The following CD2AP variants were observed in gnomAD, a reference collection of about 807,000 sequenced individuals.
CD2AP encodes CD2-associated protein.
A neutral mutation model predicts 85.1 loss-of-function variants in CD2AP; 46 were observed. The ratio of observed to expected loss-of-function variants is 0.54; its 90% CI spans 0.43 to 0.69. The LOEUF is 0.69. CD2AP is among the 30% of genes least tolerant of loss of function. The pLI, the probability that CD2AP is intolerant of heterozygous loss-of-function variation, is 0.00. For synonymous variants in CD2AP, 255 were observed against 252.9 expected (o/e 1.01, Z -0.08); for missense variants, 769 against 729.5 (o/e 1.05, Z -0.62).
intron 4 of CD2AP, 54 bp downstream of exon 4, chr6:47,544,760 T>G: frequency 9.5e-7 from 1 of 1,057,094 alleles, no homozygotes; most frequent in Non-Finnish European, 1.5e-6. Flanking sequence ...ATGCTATGGA[T>G]TTTAGAAAAA....
chr6:47,621,677 C>CT (rs953193494), intron 17 of CD2AP, among the ~76,000 whole-genome samples: 22 of 151,860 alleles, frequency 1.4e-4, no homozygotes, highest in South Asian at 4.2e-4. Flanking sequence ...TGGTCCTGGG[C>CT]TTTTTTTTGT....
chr6:47,523,149 G>A (rs1176202013), intron 2 of CD2AP, among the ~76,000 whole-genome samples: 1 of 152,048 alleles, frequency 6.6e-6, no homozygotes, highest in Non-Finnish European at 1.5e-5. Context: ...TTATAGAAAT[G>A]TATTGACGAC....
chr6:47,606,411 G>C, intron 14 of CD2AP, 134 bp downstream of exon 14: 1 of 684,082 alleles, frequency 1.5e-6, no homozygotes, highest in South Asian at 1.6e-5. Flanking sequence ...GCAAATGCTG[G>C]TATTTAAGGA....
intron 3 of CD2AP, among the ~76,000 whole-genome samples, chr6:47,540,564 T>C (rs1184906111): frequency 1.3e-5 from 2 of 152,210 alleles, no homozygotes; most frequent in African/African-American, 4.8e-5. Context: ...ATTAAATCTT[T>C]TTTTTTCATT....
In CD2AP at chr6:47,577,052, T is replaced by C. The variant is rs1231497270; in HGVS notation, c.852T>C (p.Asn284=). Reference sequence around the variant, plus strand: ...CATTATTTGCCTATGAAGGTACTAATGAAGATGAACTTACTTTTAAAGAGG... The same window carrying C: ...CATTATTTGCCTATGAAGGTACTAACGAAGATGAACTTACTTTTAAAGAGG... ...CRTLFAYEGT[N]EDELTFKEGE... The change falls in exon 8 of 18, where the codon AAT becomes AAC. Residue 284 remains asparagine (N), a synonymous_variant. Transcript: ENST00000359314. 1.3e-6 allele frequency: 2 copies of C among 1,543,840 alleles called. No homozygotes were observed. Among genetic ancestry groups the C allele is most frequent in the African/African-American group, 1.4e-5 (1 of 73,564 alleles).
chr6:47,569,058 G>A (rs1768078165), intron 5 of CD2AP, among the ~76,000 whole-genome samples: 1 of 152,146 alleles, frequency 6.6e-6, no homozygotes, highest in Admixed American at 6.5e-5. Flanking sequence ...GTTTTGAGGT[G>A]ATTAGGGCAG....
chr6:47,527,261 A>T (rs1173154609), intron 2 of CD2AP, among the ~76,000 whole-genome samples: 1 of 152,214 alleles, frequency 6.6e-6, no homozygotes, highest in African/African-American at 2.4e-5. Flanking sequence ...CTCAATGAAG[A>T]AGTATACCTG....
chr6:47,552,863 C>G (rs1210917657), intron 4 of CD2AP, among the ~76,000 whole-genome samples: 1 of 152,126 alleles, frequency 6.6e-6, no homozygotes, highest in Non-Finnish European at 1.5e-5. Context: ...AGCTTGTATT[C>G]TAGCACCCAT....
At chr6:47,553,600 A>C (rs957395066) in intron 4 of CD2AP, among the ~76,000 whole-genome samples, 1 of 147,694 alleles carries the variant, frequency 6.8e-6, no homozygotes, top group Non-Finnish European at 1.5e-5. Context: ...TCCTGACCTC[A>C]GGTGATCTGC....
intron 16 of CD2AP, chr6:47,609,533 A>G (rs1769372677): frequency 3.1e-6 from 1 of 326,962 alleles, no homozygotes; most frequent in Non-Finnish European, 5.4e-6. Flanking sequence ...AAAAAAAAAG[A>G]AAAGAAAAGA....
Position 47,578,058 on chromosome 6 carries a change from TAGC to T in CD2AP, c.903+959_903+961del, listed in dbSNP as rs535979082. On this transcript the variant is annotated intron_variant, in intron 8 of 17. Coordinates refer to ENST00000359314, the MANE Select transcript of CD2AP (RefSeq NM_012120.3). ...GTTACCTTTTTTGTTTTAGTGGCAA[TAGC>T]AGCTAAAATCATTTAGCAAGAATTT... Among the ~76,000 whole-genome samples, 676 of 152,246 alleles carry T rather than the reference TAGC, an allele frequency of 4.4e-3. 5 individuals carry two copies. Among genetic ancestry groups the T allele is most frequent in the African/African-American group, 0.015 (635 of 41,556 alleles).
chr6:47,558,882 A>G (rs954986746), intron 5 of CD2AP, among the ~76,000 whole-genome samples: 3 of 152,112 alleles, frequency 2.0e-5, no homozygotes, highest in Admixed American at 6.5e-5. Context: ...TGTTTGGAAT[A>G]GTTTCAGAAG....
chr6:47,600,901 A>C (rs565569613), intron 13 of CD2AP, among the ~76,000 whole-genome samples: 1 of 151,838 alleles, frequency 6.6e-6, no homozygotes, highest in Non-Finnish European at 1.5e-5. Flanking sequence ...TTAAATTTTC[A>C]CAAATTTGGG....
At chr6:47,596,086 T>A in intron 12 of CD2AP, 60 bp downstream of exon 12, 1 of 1,179,552 alleles carries the variant, frequency 8.5e-7, no homozygotes, top group South Asian at 1.2e-5. Flanking sequence ...CCTTAATGGC[T>A]CTATTGCCTT....
intron 5 of CD2AP, among the ~76,000 whole-genome samples, chr6:47,569,798 T>G (rs1015007318): frequency 2.6e-5 from 4 of 152,072 alleles, no homozygotes; most frequent in African/African-American, 7.2e-5. Context: ...TCACCAGGAG[T>G]CAAGGTATTA....
In CD2AP at chr6:47,609,071, A is replaced by G. The variant is rs533408645; in HGVS notation, c.1633-52A>G. On this transcript the variant is annotated intron_variant, in intron 15 of 17. Transcript: ENST00000359314. The stretch of plus-strand genomic sequence containing the variant: ...TTCTTCTTGCTGTTAAAATCTTTCG[A>G]ACGTAAATATAATATTAAATAAAAT... 3.3e-5 allele frequency: 44 copies of G among 1,342,650 alleles called. No homozygotes were observed. In the African/African-American group the frequency reaches 4.1e-4, roughly 13 times the overall value. 83.2% of individuals were successfully genotyped at this position (1,342,650 alleles called of 1,614,324 possible).
chr6:47,617,311 T>G (rs1012012989), intron 17 of CD2AP, among the ~76,000 whole-genome samples: 1 of 152,182 alleles, frequency 6.6e-6, no homozygotes, highest in Admixed American at 6.5e-5. Context: ...CCTTCACTGG[T>G]ATCCTTGGCT....
chr6:47,599,323 A>G lies in CD2AP; in HGVS notation c.1297A>G (p.Ile433Val), dbSNP rs199547303. The G allele has an allele frequency of 6.8e-6, 11 of 1,612,364 alleles. No individual in the cohort carries two copies. In the Admixed American group the frequency reaches 1.5e-4, roughly 22 times the overall value. The change falls in exon 13 of 18, where the codon ATT becomes GTT. Residue 433 changes from isoleucine (I) to valine (V), a missense_variant. By Grantham distance (29) the Ile-to-Val change is conservative. Transcript: ENST00000359314. ...IAKINGEVSS[I>V]SSKFETEPVS... ...CAGGATTAATGGGGAAGTTTCTAGC[A>G]TTTCATCAAAATTTGAAACTGAGCC... is the stretch of plus-strand genomic sequence containing the variant.
rs541720278 is a variant in CD2AP, at chr6:47,627,234, G to T, written c.*3007G>T. 2 of 152,230 alleles carry T rather than the reference G, an allele frequency of 1.3e-5. No individual in the cohort carries two copies. Among genetic ancestry groups the T allele is most frequent in the African/African-American group, 4.8e-5 (2 of 41,508 alleles). 9.4% of individuals were successfully genotyped at this position (152,230 alleles called of 1,614,324 possible). A position where few individuals can be genotyped will look rare whatever the true frequency, so the allele number is the denominator to read the frequency against. Reference sequence around the variant, plus strand: ...ATATTACTTCAATTTCCAAATACAAGAATAAATAGTAAACCAAAAACATTA... The same window carrying T: ...ATATTACTTCAATTTCCAAATACAATAATAAATAGTAAACCAAAAACATTA... On this transcript the variant is annotated 3_prime_UTR_variant, in exon 18 of 18. Transcript: ENST00000359314.
Sources: allele counts gnomAD v4.1 joint callset (sites outside exome capture counted in the v4.1 genomes callset), GRCh38; gene constraint gnomAD v4.1.1; transcripts MANE v1.5; gene names NCBI Gene and HGNC (gene_info 2026-07-23, HGNC 2026-07-21).